The following CELF2 variants were observed in gnomAD, a reference collection of about 807,000 sequenced individuals.
CELF2 encodes the protein CUG triplet repeat RNA-binding protein 2.
A neutral mutation model predicts 62.6 loss-of-function variants in CELF2; 8 were observed. The observed-to-expected ratio is 0.13, with a 90% CI of 0.07 to 0.23. The LOEUF (loss-of-function observed/expected upper bound fraction) is 0.23, where lower values mean the gene tolerates loss of function less well. CELF2 is among the 10% of genes least tolerant of loss of function. The pLI, the probability that CELF2 is intolerant of heterozygous loss-of-function variation, is 1.00. For missense variants in CELF2, 333 were observed against 671.0 expected (o/e 0.50, Z 5.56); for synonymous variants, 258 against 250.0 (o/e 1.03, Z -0.30).
chr10:11,226,573 C>T (rs1300764453), intron 3 of CELF2, among the ~76,000 whole-genome samples: 2 of 151,180 alleles, frequency 1.3e-5, no homozygotes, highest in Admixed American at 1.3e-4. Flanking sequence ...GCAGCATGAA[C>T]CTAGAAGTCA....
chr10:11,005,285 A>AGAGAGAGG, upstream of CELF2: 2 of 1,591,218 alleles, frequency 1.3e-6, no homozygotes, highest in Non-Finnish European at 8.6e-7. The surrounding 1 kb of genome is among the most constrained non-coding windows in gnomAD (Gnocchi z 4.3). Flanking sequence ...AGAGAGAGAG[A>AGAGAGAGG]GAGAGAGAGG....
chr10:10,533,709 C>T, the CELF2 span, among the ~76,000 whole-genome samples: 1 of 152,148 alleles, frequency 6.6e-6, no homozygotes, highest in Non-Finnish European at 1.5e-5. Context: ...TGGACAAAGG[C>T]TTTGTCCAGA....
chr10:11,248,234 T>G (rs946831704), intron 3 of CELF2, among the ~76,000 whole-genome samples: 1 of 152,100 alleles, frequency 6.6e-6, no homozygotes, highest in Non-Finnish European at 1.5e-5. Context: ...TGATTCTAAT[T>G]GGTAATGGTG....
At chr10:10,809,567 A>T (rs2055624988) in intron 1 of CELF2, among the ~76,000 whole-genome samples, 3 of 152,232 alleles carry the variant, frequency 2.0e-5, no homozygotes, top group Non-Finnish European at 4.4e-5. Flanking sequence ...TCTATACCAT[A>T]CGACAATAAG....
chr10:11,114,300 C>G (rs2056009323), intron 1 of CELF2, among the ~76,000 whole-genome samples: 1 of 152,122 alleles, frequency 6.6e-6, no homozygotes, highest in Admixed American at 6.5e-5. Context: ...TTCTTAATAT[C>G]CACAAGCATA....
intron 2 of CELF2, among the ~76,000 whole-genome samples, chr10:10,989,894 C>G: frequency 6.6e-6 from 1 of 152,058 alleles, no homozygotes; most frequent in East Asian, 1.9e-4. Context: ...CACTAGTATT[C>G]AGAGACATGC....
At chr10:10,817,380 C>A (rs954819581) in intron 1 of CELF2, among the ~76,000 whole-genome samples, 14 of 152,182 alleles carry the variant, frequency 9.2e-5, no homozygotes, top group African/African-American at 3.4e-4. Context: ...TGACTATAGT[C>A]ATTCCCACTG....
chr10:11,318,468 C>G lies in CELF2; in HGVS notation c.1097-2721C>G. 3.0e-6 allele frequency: 1 copy of G among 332,718 alleles called. No homozygotes were observed. Among genetic ancestry groups the G allele is most frequent in the Non-Finnish European group, 5.9e-6 (1 of 170,324 alleles). 20.6% of individuals were successfully genotyped at this position (332,718 alleles called of 1,614,324 possible). On this transcript the variant is annotated intron_variant, in intron 10 of 12. Coordinates refer to ENST00000633077, the MANE Select transcript of CELF2 (RefSeq NM_001326342.2). This position sits in a 1 kb window ranked among gnomAD's most constrained non-coding sequence, Gnocchi z 5.4. ...GAAACAGGGCTGGCCACAGCTGTCT[C>G]CTACATGCACAGCACCAGCAGAAGT...
chr10:10,987,958 A>G (rs1255733424), intron 2 of CELF2, among the ~76,000 whole-genome samples: 3 of 151,992 alleles, frequency 2.0e-5, no homozygotes, highest in Non-Finnish European at 1.5e-5. Flanking sequence ...ACGTCAAAAA[A>G]CAGTAGATGT....
chr10:11,327,149 C>A (rs1183475120), intron 12 of CELF2, among the ~76,000 whole-genome samples: 1 of 118,762 alleles, frequency 8.4e-6, no homozygotes. Context: ...TGTATAAACC[C>A]GTGTGACAGT....
the CELF2 span, among the ~76,000 whole-genome samples, chr10:10,603,165 T>C: frequency 2.5e-5 from 3 of 118,342 alleles, no homozygotes; most frequent in Non-Finnish European, 5.6e-5. Context: ...AATGTGTGCA[T>C]ATTGAACACC....
chr10:10,927,457 T>A (rs1310133758), intron 2 of CELF2, among the ~76,000 whole-genome samples: 1 of 151,920 alleles, frequency 6.6e-6, no homozygotes, highest in Non-Finnish European at 1.5e-5. Flanking sequence ...GAAATGGGTC[T>A]CACTCTGTTG....
chr10:10,526,770 G>A, the CELF2 span, among the ~76,000 whole-genome samples: 1 of 152,212 alleles, frequency 6.6e-6, no homozygotes, highest in Non-Finnish European at 1.5e-5. Flanking sequence ...AGAGAAGACA[G>A]CATTGATTTC....
intron 1 of CELF2, among the ~76,000 whole-genome samples, chr10:11,069,351 G>A (rs973461882): frequency 2.6e-5 from 4 of 152,194 alleles, no homozygotes; most frequent in African/African-American, 9.7e-5. Flanking sequence ...AATGATGATG[G>A]TGAAATTGAT....
chr10:10,555,374 G>C, the CELF2 span, among the ~76,000 whole-genome samples: 1 of 151,264 alleles, frequency 6.6e-6, no homozygotes, highest in Non-Finnish European at 1.5e-5. Context: ...TCTCCGTTCT[G>C]TATTGAATAC....
At chr10:10,844,322 A>G (rs142105720) in intron 1 of CELF2, among the ~76,000 whole-genome samples, 1 of 152,064 alleles carries the variant, frequency 6.6e-6, no homozygotes, top group South Asian at 2.1e-4. Flanking sequence ...CTCTACCCCC[A>G]TGTGAGCCAG....
intron 2 of CELF2, among the ~76,000 whole-genome samples, chr10:10,986,951 G>A (rs2052829968): frequency 6.6e-6 from 1 of 152,224 alleles, no homozygotes; most frequent in Non-Finnish European, 1.5e-5. Flanking sequence ...AGTAACTGAT[G>A]AAAATGTGCA....
intron 8 of CELF2, among the ~76,000 whole-genome samples, chr10:11,278,245 G>A (rs2086868879): frequency 1.3e-5 from 2 of 152,220 alleles, no homozygotes; most frequent in Admixed American, 6.5e-5. Context: ...AACTTCAAGT[G>A]TGCTTTATGG....
At chr10:10,828,853 G>A (rs1207124740) in intron 1 of CELF2, among the ~76,000 whole-genome samples, 1 of 152,174 alleles carries the variant, frequency 6.6e-6, no homozygotes, top group African/African-American at 2.4e-5. Flanking sequence ...AATGGATGAA[G>A]GAATGCATGA....
Sources: gnomAD v4.1 joint callset for allele counts (sites outside exome capture counted in the v4.1 genomes callset) on GRCh38, gnomAD v4.1.1 for gene constraint, Gnocchi (gnomAD v3.1) non-coding constraint, MANE v1.5 for transcripts, NCBI Gene and HGNC (gene_info 2026-07-23, HGNC 2026-07-21) for gene names.